The following CA2 variants were observed in gnomAD, a reference collection of about 807,000 sequenced individuals.
CA2 encodes carbonic anhydrase 2.
In CA2, 23 loss-of-function variants were observed where a neutral mutation model predicts 27.8. The ratio of observed to expected loss-of-function variants is 0.83; its 90% CI spans 0.59 to 1.17. CA2 has a LOEUF of 1.17. Among genes scored for constraint, CA2 ranks in the 50% most tolerant of loss-of-function variants. The pLI is 0.00. For missense variants in CA2, 300 were observed against 314.7 expected, an observed-to-expected ratio of 0.95 and a Z score of 0.35; for synonymous variants, 99 against 114.9, an observed-to-expected ratio of 0.86 and a Z score of 0.88.
intron 6 of CA2, among the ~76,000 whole-genome samples, chr8:85,477,541 T>TG (rs1039367888): frequency 4.9e-5 from 5 of 101,832 alleles, no homozygotes; most frequent in African/African-American, 2.0e-4. Flanking sequence ...ACCTAATAAA[T>TG]GCCTTTTTTT....
chr8:85,470,084 C>G (rs1169018642), intron 2 of CA2, among the ~76,000 whole-genome samples: 5 of 152,194 alleles, frequency 3.3e-5, no homozygotes, highest in African/African-American at 1.2e-4. Context: ...ACTGTAGTTA[C>G]TATATTCACA....
Position 85,465,356 on chromosome 8 carries a change from A to G in CA2, c.119A>G (p.Tyr40Cys), listed in dbSNP as rs1262835490. The part of the protein sequence containing the change: ...PVDIDTHTAK[Y>C]DPSLKPLSVS... ...GACATCGACACTCATACAGCCAAGTATGACCCTTCCCTGAAGCCCCTGTCT... is the reference window on the plus strand; with the variant it reads ...GACATCGACACTCATACAGCCAAGTGTGACCCTTCCCTGAAGCCCCTGTCT... Residue 40 changes from tyrosine (Y) to cysteine (C), a missense_variant, in exon 2 of 7, where the codon TAT becomes TGT. Tyr to Cys is a radical substitution (Grantham distance 194, BLOSUM62 -2). Coordinates refer to ENST00000285379, the MANE Select transcript of CA2 (RefSeq NM_000067.3). The G allele has an allele frequency of 1.2e-6, 2 of 1,614,060 alleles. No individual in the cohort carries two copies. The highest frequency in any genetic ancestry group is 1.7e-5 in the Admixed American group (1 of 60,008).
At chr8:85,464,308 C>G (rs1230897807) in intron 1 of CA2, 193 bp downstream of exon 1, 1 of 486,030 alleles carries the variant, frequency 2.1e-6, no homozygotes, top group Non-Finnish European at 3.6e-6. Flanking sequence ...CGGGGATGTC[C>G]CCCTTGCCCC....
Position 85,480,721 on chromosome 8 carries a change from CTG to C in CA2, c.716_717del (p.Leu239HisfsTer40). On this transcript the variant is annotated frameshift_variant, in exon 7 of 7. Transcript: ENST00000285379. LOFTEE classifies it high-confidence loss of function. ...CAATGGGGAGGGTGAACCCGAAGAA[CTG>C]ATGGTGGACAACTGGCGCCCAGCTC... ...NFNGEGEPEE[L>X]MVDNWRPAQP... 6.2e-7 allele frequency: 1 copy of C among 1,613,810 alleles called. No homozygotes were observed. Among genetic ancestry groups the C allele is most frequent in the African/African-American group, 1.3e-5 (1 of 74,994 alleles).
At chr8:85,478,474 C>G (rs1811839864) in intron 6 of CA2, among the ~76,000 whole-genome samples, 1 of 152,162 alleles carries the variant, frequency 6.6e-6, no homozygotes, top group Admixed American at 6.5e-5. Flanking sequence ...TAATTTAAAA[C>G]ATGAATTTTT....
intron 2 of CA2, among the ~76,000 whole-genome samples, chr8:85,470,556 A>C (rs1447019713): frequency 6.6e-6 from 1 of 152,162 alleles, no homozygotes; most frequent in Non-Finnish European, 1.5e-5. Context: ...AGAAAAAATT[A>C]AAAAATATTA....
intron 5 of CA2, among the ~76,000 whole-genome samples, chr8:85,476,568 C>G (rs910738249): frequency 6.6e-6 from 1 of 152,212 alleles, no homozygotes; most frequent in Admixed American, 6.5e-5. Context: ...TCACCTACCC[C>G]AAACTAATTA....
chr8:85,466,889 T>C (rs1243932033), intron 2 of CA2, among the ~76,000 whole-genome samples: 1 of 152,110 alleles, frequency 6.6e-6, no homozygotes, highest in South Asian at 2.1e-4. Flanking sequence ...ATACTGTATA[T>C]TTATAACAAG....
chr8:85,475,878 G>A lies in CA2; in HGVS notation c.507+18G>A. On this transcript the variant is annotated intron_variant, in intron 5 of 6. Transcript: ENST00000285379. The stretch of plus-strand genomic sequence containing the variant: ...AAACAAAGGTAAATTTGAATTTTCT[G>A]CCACCTCCTTAGGGTACCAATTTTC... 6.2e-7 allele frequency: 1 copy of A among 1,608,098 alleles called. No homozygotes were observed. Among genetic ancestry groups the A allele is most frequent in the Non-Finnish European group, 8.5e-7 (1 of 1,174,810 alleles).
At chr8:85,470,304 C>T (rs982516241) in intron 2 of CA2, among the ~76,000 whole-genome samples, 1 of 152,076 alleles carries the variant, frequency 6.6e-6, no homozygotes, top group Non-Finnish European at 1.5e-5. Context: ...ACAGGCAAAA[C>T]AGTAATGCAT....
intron 6 of CA2, among the ~76,000 whole-genome samples, chr8:85,477,774 C>A (rs956265389): frequency 1.3e-5 from 2 of 152,150 alleles, no homozygotes; most frequent in Non-Finnish European, 2.9e-5. Flanking sequence ...AGGCTTAGAG[C>A]AGGTATTCTT....
At chr8:85,465,248 A>T (rs1811609164) in intron 1 of CA2, 24 bp from the exon 2 acceptor site, 1 of 1,597,000 alleles carries the variant, frequency 6.3e-7, no homozygotes, top group Non-Finnish European at 8.6e-7. Context: ...ACAATGGGGG[A>T]TTCACATGTC....
At chr8:85,473,963 A>C in intron 3 of CA2, 152 bp downstream of exon 3, 1 of 665,108 alleles carries the variant, frequency 1.5e-6, no homozygotes, top group Non-Finnish European at 2.7e-6. Context: ...TATAACCTTT[A>C]ATTGTGACAT....
At position 85,474,402 on chromosome 8, in the gene CA2, G is replaced by C; in HGVS notation, c.430G>C (p.Gly144Arg). ...VQQPDGLAVLGIFLKVGSAKP... is the reference protein window; with the variant it reads ...VQQPDGLAVLRIFLKVGSAKP... ...GCAACCTGATGGACTGGCCGTTCTA[G>C]GTATTTTTTTGAAGGTTAGTTGATG... Residue 144 changes from glycine (G) to arginine (R), a missense_variant, in exon 4 of 7, where the codon GGT (glycine) becomes CGT (arginine). Physicochemically the swap from Gly to Arg is moderately radical, Grantham distance 125. Around this residue, in one of 3 missense-constraint regions of CA2, gnomAD observed 173 missense variants for 161.0 expected, o/e 1.07. Transcript: ENST00000285379. 3.1e-6 allele frequency: 5 copies of C among 1,613,514 alleles called. No individual in the cohort carries two copies. The highest frequency in any genetic ancestry group is 4.2e-6 in the Non-Finnish European group (5 of 1,179,504).
At chr8:85,466,277 T>C (rs1409071045) in intron 2 of CA2, among the ~76,000 whole-genome samples, 2 of 151,996 alleles carry the variant, frequency 1.3e-5, no homozygotes, top group Admixed American at 1.3e-4. Flanking sequence ...CAGTGCCCTA[T>C]TTTCCTGAGT....
chr8:85,473,645 G>A (rs1300610900), intron 2 of CA2, 48 bp from the exon 3 acceptor site: 2 of 866,976 alleles, frequency 2.3e-6, no homozygotes, highest in South Asian at 2.7e-5. Flanking sequence ...ATATGTGTAT[G>A]CAGATACATA....
At chr8:85,475,677 A>G in intron 4 of CA2, 121 bp from the exon 5 acceptor site, 2 of 827,202 alleles carry the variant, frequency 2.4e-6, no homozygotes, top group South Asian at 2.9e-5. Context: ...GGGGTCATGT[A>G]TGAAGTGGAG....
At chr8:85,479,111 G>GC (rs34180754) in intron 6 of CA2, among the ~76,000 whole-genome samples, 8 of 100,186 alleles carry the variant, frequency 8.0e-5, no homozygotes, top group Non-Finnish European at 1.4e-4. Context: ...GAGGAAGTAT[G>GC]GGGGGGCGTG....
Position 85,475,807 on chromosome 8 carries a change from G to A in CA2, c.454G>A (p.Ala152Thr), listed in dbSNP as rs370695356. 10 of 1,613,772 alleles carry A rather than the reference G, an allele frequency of 6.2e-6. No individual in the cohort carries two copies. The highest frequency in any genetic ancestry group is 4.0e-5 in the African/African-American group (3 of 74,878). Residue 152 changes from alanine (A) to threonine (T), a missense_variant, in exon 5 of 7, where the codon GCT (alanine) becomes ACT (threonine). This residue lies in a region of CA2 where 173 missense variants were observed against 161.0 expected (regional missense o/e 1.07). Coordinates refer to ENST00000285379, the MANE Select transcript of CA2 (RefSeq NM_000067.3). Reference protein sequence around the residue: ...VLGIFLKVGSAKPGLQKVVDV... With the variant: ...VLGIFLKVGSTKPGLQKVVDV... ...TTATGTTTTTCTTTAGGTTGGCAGC[G>A]CTAAACCGGGCCTTCAGAAAGTTGT...
Sources: allele counts gnomAD v4.1 joint callset (sites outside exome capture counted in the v4.1 genomes callset), GRCh38; gene constraint gnomAD v4.1.1; regional missense constraint gnomAD v4.1.1; transcripts MANE v1.5; gene names NCBI Gene and HGNC (gene_info 2026-07-23, HGNC 2026-07-21).